The following FAM131B variants were observed in gnomAD, a reference collection of about 807,000 sequenced individuals.
FAM131B encodes family with sequence similarity 131 member B.
Under a neutral mutation model 42.0 loss-of-function variants are expected in FAM131B, and 19 were observed. The observed-to-expected ratio is 0.45, with a 90% CI of 0.32 to 0.66. The LOEUF (loss-of-function observed/expected upper bound fraction) is 0.66, where lower values mean the gene tolerates loss of function less well. Ranked by LOEUF, FAM131B falls within the 30% of genes least tolerant of loss-of-function variation. FAM131B has a pLI of 0.05. For synonymous variants in FAM131B, 183 were observed against 177.6 expected, an observed-to-expected ratio of 1.03 and a Z score of -0.24; for missense variants, 370 against 468.4, an observed-to-expected ratio of 0.79 and a Z score of 1.94.
At chr7:143,381,824 T>TG in the FAM131B span, 6 of 1,472,704 alleles carry the variant, frequency 4.1e-6, no homozygotes, top group South Asian at 1.3e-5. Flanking sequence ...GGAGCCGGGG[T>TG]GGGGGGCAGT....
Position 143,362,704 on chromosome 7 carries a change from G to A in FAM131B, c.-101C>T. ...CGCCCCAGCCGCTCTGCAGCGCCGC[G>A]GCTGTCTCCGCTCGGCTCCGCTCCC... On this transcript the variant is annotated 5_prime_UTR_variant, in exon 1 of 7. Transcript: ENST00000443739. This position sits in a 1 kb window ranked among gnomAD's most constrained non-coding sequence, Gnocchi z 7.7. 1.9e-6 allele frequency: 1 copy of A among 526,420 alleles called. No individual in the cohort carries two copies. Among genetic ancestry groups the A allele is most frequent in the South Asian group, 8.8e-5 (1 of 11,378 alleles). The allele number at this position is 526,420 out of a possible 1,614,324, so 32.6% of individuals were successfully genotyped here.
At chr7:143,381,625 T>G in the FAM131B span, 53 of 1,612,040 alleles carry the variant, frequency 3.3e-5, 2 homozygotes, top group South Asian at 5.8e-4. Context: ...CGGCTCCGGC[T>G]TTTTACGCCC....
the FAM131B span, chr7:143,381,308 C>T: frequency 1.8e-6 from 2 of 1,111,844 alleles, no homozygotes; most frequent in African/African-American, 1.7e-5. Flanking sequence ...TCCGTGTGTC[C>T]CTCCCCGCCC....
the FAM131B span, among the ~76,000 whole-genome samples, chr7:143,368,537 C>T: frequency 6.6e-6 from 1 of 152,202 alleles, no homozygotes; most frequent in Non-Finnish European, 1.5e-5. Context: ...CTGAAGCCTC[C>T]CTGTCTCCCC....
At chr7:143,380,924 G>A in the FAM131B span, 1 of 423,756 alleles carries the variant, frequency 2.4e-6, no homozygotes, top group Non-Finnish European at 3.2e-6. The surrounding 1 kb of genome is among the most constrained non-coding windows in gnomAD (Gnocchi z 5.0). Flanking sequence ...GAGGCGCACA[G>A]GGGCTGCGTG....
At chr7:143,369,055 G>A in the FAM131B span, among the ~76,000 whole-genome samples, 1 of 152,186 alleles carries the variant, frequency 6.6e-6, no homozygotes, top group African/African-American at 2.4e-5. Context: ...AGTTACAGAT[G>A]ACTGAGTGTT....
chr7:143,365,231 G>A (rs1244013139), upstream of FAM131B, among the ~76,000 whole-genome samples: 3 of 152,172 alleles, frequency 2.0e-5, no homozygotes. Flanking sequence ...GACTGTACAG[G>A]AGGAGCCCAG....
At chr7:143,370,263 G>A in the FAM131B span, among the ~76,000 whole-genome samples, 1 of 152,116 alleles carries the variant, frequency 6.6e-6, no homozygotes, top group African/African-American at 2.4e-5. Context: ...AAGAGCTGCC[G>A]GCACTCATCT....
the FAM131B span, among the ~76,000 whole-genome samples, chr7:143,371,482 C>A: frequency 6.6e-6 from 1 of 151,636 alleles, no homozygotes; most frequent in Non-Finnish European, 1.5e-5. Flanking sequence ...GGCCTGGTGG[C>A]ACATGCCTGT....
upstream of FAM131B, chr7:143,363,820 G>A (rs562813846): frequency 1.3e-5 from 2 of 152,358 alleles, no homozygotes; most frequent in East Asian, 3.9e-4. Flanking sequence ...TGCAGAGAGA[G>A]AAGGCAATGG....
At chr7:143,364,670 C>T (rs573259299), upstream of FAM131B, among the ~76,000 whole-genome samples, 9 of 152,146 alleles carry the variant, frequency 5.9e-5, no homozygotes, top group Admixed American at 3.9e-4. Flanking sequence ...ACTACCCACA[C>T]AAAAAAAGTA....
the FAM131B span, chr7:143,380,267 C>G: frequency 2.0e-6 from 2 of 985,072 alleles, no homozygotes; most frequent in African/African-American, 1.7e-5. The surrounding 1 kb of genome is among the most constrained non-coding windows in gnomAD (Gnocchi z 5.0). Context: ...AAGAATTACC[C>G]AGGTCTGGCT....
At chr7:143,379,347 G>T in the FAM131B span, among the ~76,000 whole-genome samples, 1 of 152,178 alleles carries the variant, frequency 6.6e-6, no homozygotes, top group Admixed American at 6.5e-5. Flanking sequence ...CAGGCCCAGG[G>T]CTGGCTTGAG....
Position 143,360,449 on chromosome 7 carries a change from T to C in FAM131B, c.29-300A>G, listed in dbSNP as rs1181342906. On this transcript the variant is annotated intron_variant, in intron 1 of 6. Coordinates refer to ENST00000443739, the MANE Select transcript of FAM131B (RefSeq NM_001031690.3). ...CCAATTATTCCGTCCTGAGGACTCT[T>C]GGAGGGTTTCTGTATGGGAGCTGGG... 6 of 1,222,864 alleles carry C rather than the reference T, an allele frequency of 4.9e-6. No homozygotes were observed. In the African/African-American group the frequency reaches 6.2e-5, roughly 13 times the overall value. The allele number at this position is 1,222,864 out of a possible 1,614,324, so 75.8% of individuals were successfully genotyped here. A position where few individuals can be genotyped will look rare whatever the true frequency, so the allele number is the denominator to read the frequency against.
the FAM131B span, among the ~76,000 whole-genome samples, chr7:143,372,383 A>C: frequency 4.6e-5 from 7 of 152,212 alleles, no homozygotes; most frequent in South Asian, 1.4e-3. Context: ...GCTGGTATGG[A>C]CGTGAATGGC....
In FAM131B at chr7:143,359,913, A is replaced by G. The variant is rs916834829; in HGVS notation, c.138+127T>C. The stretch of plus-strand genomic sequence containing the variant: ...GCCGCTAACTGGGTTCTCCATGTGG[A>G]CTGCTTGGCATGTGTTGTGAGAAAT... On this transcript the variant is annotated intron_variant, in intron 2 of 6. Transcript: ENST00000443739. The surrounding 1 kb of genome is among the most constrained non-coding windows in gnomAD (Gnocchi z 5.4). 2.4e-5 allele frequency: 24 copies of G among 986,580 alleles called. No homozygotes were observed. Among genetic ancestry groups the G allele is most frequent in the Non-Finnish European group, 3.3e-5 (21 of 637,300 alleles). 61.1% of individuals were successfully genotyped at this position (986,580 alleles called of 1,614,324 possible).
upstream of FAM131B, chr7:143,364,273 A>C (rs1359346687): frequency 6.9e-6 from 1 of 144,678 alleles, no homozygotes; most frequent in South Asian, 2.3e-4. Flanking sequence ...AAAGGAAAGA[A>C]GATGGAGAGA....
At position 143,360,083 on chromosome 7, in the gene FAM131B, G is replaced by A. The variant is rs1380167825; in HGVS notation, c.95C>T (p.Thr32Ile). The A allele has an allele frequency of 6.2e-7, 1 of 1,613,984 alleles. No homozygotes were observed. Among genetic ancestry groups the A allele is most frequent in the African/African-American group, 1.3e-5 (1 of 75,030 alleles). ...GAGGCTGCTCCCGTGCAGTGAGCTG[G>A]TGCTGTCCATGTTGATTTGATCGAC... ...KDVDQINMDS[T>I]SSLHGSSLHR... The change falls in exon 2 of 7, where the codon ACC becomes ATC. Residue 32 changes from threonine to isoleucine, a missense_variant. By Grantham distance (89) the Thr-to-Ile change is moderately conservative (BLOSUM62 -1). Coordinates refer to ENST00000443739, the MANE Select transcript of FAM131B (RefSeq NM_001031690.3).
the FAM131B span, chr7:143,379,667 T>C: frequency 6.6e-6 from 1 of 152,328 alleles, no homozygotes; most frequent in Middle Eastern, 3.4e-3. Context: ...GGAATTTGAA[T>C]AATAATACTG....
Sources: gnomAD v4.1 joint callset for allele counts (sites outside exome capture counted in the v4.1 genomes callset) on GRCh38, gnomAD v4.1.1 for gene constraint, Gnocchi (gnomAD v3.1) non-coding constraint, MANE v1.5 for transcripts, NCBI Gene and HGNC (gene_info 2026-07-23, HGNC 2026-07-21) for gene names.